The following MEIS3 variants were observed in gnomAD, a reference collection of about 807,000 sequenced individuals.
MEIS3 encodes homeobox protein Meis3.
MEIS3 carries 38 observed loss-of-function variants against 51.4 expected under a neutral mutation model. The observed-to-expected ratio is 0.74, with a 90% CI of 0.57 to 0.97. MEIS3 has a LOEUF of 0.97. Ranked by LOEUF, MEIS3 falls within the 50% of genes least tolerant of loss-of-function variation. The probability of loss-of-function intolerance (pLI) is 0.00; values close to 1 mark genes in which losing one functional copy is unlikely to be tolerated. For missense variants in MEIS3, 456 were observed against 502.6 expected (o/e 0.91, Z 0.89); for synonymous variants, 198 against 201.8 (o/e 0.98, Z 0.16).
Position 47,416,657 on chromosome 19 carries a change from T to C in MEIS3, c.391A>G (p.Asn131Asp), listed in dbSNP as rs1160653181. ...PLFSSNPELDNLMIQAIQVLR... is the reference protein window; with the variant it reads ...PLFSSNPELDDLMIQAIQVLR... ...GGGGAGGGCTCGGGTCTCACCAGAT[T>C]GTCCAGTTCTGGGTTGGAGGAGAAG... Residue 131 changes from asparagine to aspartate, a missense_variant, in exon 4 of 13, where the codon AAT becomes GAT. Transcript: ENST00000558555. 6.5e-7 allele frequency: 1 copy of C among 1,539,636 alleles called. No homozygotes were observed.
intron 3 of MEIS3, 32 bp downstream of exon 3, chr19:47,416,772 G>C (rs1245582745): frequency 6.2e-7 from 1 of 1,612,952 alleles, no homozygotes; most frequent in Admixed American, 1.7e-5. Context: ...CTGGCTCTCT[G>C]ACTCGGTGTG....
upstream of MEIS3, among the ~76,000 whole-genome samples, chr19:47,421,573 C>T (rs1971716597): frequency 6.6e-6 from 1 of 152,044 alleles, no homozygotes; most frequent in Non-Finnish European, 1.5e-5. Context: ...CTTCTGGGGG[C>T]CCAGGTTTGC....
upstream of MEIS3, among the ~76,000 whole-genome samples, chr19:47,419,804 C>T (rs1439222660): frequency 3.3e-5 from 5 of 152,004 alleles, no homozygotes; most frequent in South Asian, 2.1e-4. Flanking sequence ...TCTCTGTCTC[C>T]GCTTCTCCCG....
At chr19:47,420,910 TCACACACA>T (rs796578167), upstream of MEIS3, among the ~76,000 whole-genome samples, 8 of 70,710 alleles carry the variant, frequency 1.1e-4, no homozygotes, top group South Asian at 7.2e-4. Context: ...TCTCTCTCTC[TCACACACA>T]CACACACACA....
chr19:47,409,329 C>A, intron 7 of MEIS3, 82 bp from the exon 8 acceptor site: 1 of 1,577,850 alleles, frequency 6.3e-7, no homozygotes, highest in Non-Finnish European at 8.7e-7. Context: ...CCCAAGACAA[C>A]ACTCCACACC....
intron 6 of MEIS3, among the ~76,000 whole-genome samples, chr19:47,410,848 G>A (rs990997383): frequency 5.3e-5 from 8 of 152,204 alleles, no homozygotes; most frequent in Admixed American, 5.2e-4. Context: ...GTCTACACAG[G>A]GGCTCAAACA....
At chr19:47,407,918 C>T (rs1323760447) in intron 8 of MEIS3, among the ~76,000 whole-genome samples, 2 of 152,268 alleles carry the variant, frequency 1.3e-5, no homozygotes, top group Admixed American at 6.5e-5. Flanking sequence ...AGGGATTCCC[C>T]GCCTCAGCCT....
intron 12 of MEIS3, among the ~76,000 whole-genome samples, chr19:47,405,052 G>A (rs111407980): frequency 6.6e-6 from 1 of 152,278 alleles, no homozygotes; most frequent in African/African-American, 2.4e-5. Flanking sequence ...TCTGATCTGG[G>A]CTTTGGAAAC....
chr19:47,414,363 G>C (rs374381739), intron 6 of MEIS3, among the ~76,000 whole-genome samples: 1 of 152,230 alleles, frequency 6.6e-6, no homozygotes, highest in African/African-American at 2.4e-5. Flanking sequence ...TGCTGCTGTC[G>C]TATGGCTGGG....
rs114792894 is a variant in MEIS3, at chr19:47,418,943, G to A, written c.12+127C>T. On this transcript the variant is annotated intron_variant, in intron 1 of 12. Coordinates refer to ENST00000558555, the MANE Select transcript of MEIS3 (RefSeq NM_001301059.2). The stretch of plus-strand genomic sequence containing the variant: ...TGGGAGACCCAGGGGCGGAGGGAGG[G>A]GCAGAGAGAGAGCGAGGTGGTGTAG... The A allele has an allele frequency of 2.1e-3, 1,094 of 527,840 alleles. 18 individuals carry two copies. The highest frequency in any genetic ancestry group is 0.019 in the African/African-American group (984 of 50,532). 32.7% of individuals were successfully genotyped at this position (527,840 alleles called of 1,614,324 possible). A position where few individuals can be genotyped will look rare whatever the true frequency, so the allele number is the denominator to read the frequency against.
chr19:47,404,391 G>A (rs1038153078), intron 12 of MEIS3, among the ~76,000 whole-genome samples: 4 of 151,984 alleles, frequency 2.6e-5, no homozygotes, highest in South Asian at 2.1e-4. Flanking sequence ...TCCAGCACCC[G>A]CCTCCATGCA....
rs1331054757 is a variant in MEIS3, at chr19:47,403,425, T to G, written c.*146A>C. The G allele has an allele frequency of 2.2e-6, 1 of 454,822 alleles. No homozygotes were observed. The highest frequency in any genetic ancestry group is 2.0e-5 in the African/African-American group (1 of 50,018). 28.2% of individuals were successfully genotyped at this position (454,822 alleles called of 1,614,324 possible). A position where few individuals can be genotyped will look rare whatever the true frequency, so the allele number is the denominator to read the frequency against. ...CCTTGGATGGGCACTCAGGCCCCCA[T>G]GTCCCAGCAGGGCCCTAGGGAGGTA... On this transcript the variant is annotated 3_prime_UTR_variant, in exon 13 of 13. Coordinates refer to ENST00000558555, the MANE Select transcript of MEIS3 (RefSeq NM_001301059.2).
At chr19:47,404,804 C>T (rs1970741767) in intron 12 of MEIS3, among the ~76,000 whole-genome samples, 2 of 152,212 alleles carry the variant, frequency 1.3e-5, no homozygotes, top group East Asian at 1.9e-4. Flanking sequence ...CAGCCCTGCC[C>T]GTTCTGGGGC....
intron 8 of MEIS3, 66 bp from the exon 9 acceptor site, chr19:47,407,494 C>T (rs748563344): frequency 6.2e-7 from 1 of 1,611,836 alleles, no homozygotes. Flanking sequence ...CAAGGTCTGG[C>T]CCACCGGGGT....
upstream of MEIS3, among the ~76,000 whole-genome samples, chr19:47,420,910 T>TCACACACA (rs796578167): frequency 3.2e-3 from 228 of 70,754 alleles, 6 homozygotes; most frequent in Admixed American, 0.024. Context: ...TCTCTCTCTC[T>TCACACACA]CACACACACA....
intron 6 of MEIS3, 101 bp downstream of exon 6, chr19:47,414,616 T>G: frequency 7.3e-7 from 1 of 1,377,270 alleles, no homozygotes; most frequent in Non-Finnish European, 9.8e-7. Context: ...TCAGGCTGAC[T>G]GTGGCTTCGT....
At chr19:47,413,963 C>T (rs1971266170) in intron 6 of MEIS3, among the ~76,000 whole-genome samples, 3 of 151,872 alleles carry the variant, frequency 2.0e-5, no homozygotes, top group African/African-American at 4.8e-5. Flanking sequence ...TCTTGATCTC[C>T]TGACCTCATG....
At chr19:47,415,130 GA>G in intron 4 of MEIS3, 29 bp from the exon 5 acceptor site, 1 of 1,055,906 alleles carries the variant, frequency 9.5e-7, no homozygotes, top group South Asian at 1.3e-5. Flanking sequence ...GGTGGGGGGA[GA>G]CAGAGGGAAT....
intron 1 of MEIS3, chr19:47,417,849 C>T: frequency 4.9e-6 from 3 of 610,646 alleles, no homozygotes; most frequent in Non-Finnish European, 8.8e-6. Context: ...GTGAATCTAC[C>T]ACACATGTAG....
Sources: gnomAD v4.1 joint callset for allele counts (sites outside exome capture counted in the v4.1 genomes callset) on GRCh38, gnomAD v4.1.1 for gene constraint, MANE v1.5 for transcripts, NCBI Gene and HGNC (gene_info 2026-07-23, HGNC 2026-07-21) for gene names.